The following MSH6 variants were observed in gnomAD, a reference collection of about 807,000 sequenced individuals.
MSH6 encodes the protein DNA mismatch repair protein Msh6.
In MSH6, 85 loss-of-function variants were observed where a neutral mutation model predicts 119.1. The ratio of observed to expected loss-of-function variants is 0.71; its 90% confidence interval spans 0.60 to 0.85. The LOEUF (loss-of-function observed/expected upper bound fraction) is 0.85. Among genes scored for constraint, MSH6 ranks in the 40% least tolerant of loss-of-function variants. The pLI, the probability that MSH6 is intolerant of heterozygous loss-of-function variation, is 0.00. For synonymous variants in MSH6, 830 were observed against 586.9 expected, an observed-to-expected ratio of 1.41 and a Z score of -5.99; for missense variants, 2,163 against 1,655.3, an observed-to-expected ratio of 1.31 and a Z score of -5.32.
In MSH6 at chr2:47,803,554, T is replaced by G. The variant is rs1553331522; in HGVS notation, c.3307T>G (p.Phe1103Val). ...GSRHPCITKT[F>V]FGDDFIPNDI... The stretch of plus-strand genomic sequence containing the variant: ...ACGCCATCCTTGCATTACGAAGACT[T>G]TTTTTGGAGATGATTTTATTCCTAA... The change falls in exon 5 of 10, where the codon TTT becomes GTT. Residue 1103 changes from phenylalanine (F) to valine (V), a missense_variant. Transcript: ENST00000234420. 6.2e-7 allele frequency: 1 copy of G among 1,614,160 alleles called. No individual in the cohort carries two copies. Among genetic ancestry groups the G allele is most frequent in the Non-Finnish European group, 8.5e-7 (1 of 1,180,036 alleles).
Position 47,801,076 on chromosome 2 carries a change from C to A in MSH6, c.3093C>A (p.Asp1031Glu), listed in dbSNP as rs1177250625. Residue 1031 changes from aspartate (D) to glutamate (E), a missense_variant, in exon 4 of 10, where the codon GAC becomes GAA. Physicochemically the swap from Asp to Glu is conservative, Grantham distance 45. Coordinates refer to ENST00000234420, the MANE Select transcript of MSH6 (RefSeq NM_000179.3). ...AACGGAGGGATGTATCATTGAAGGA[C>A]TGCATGCGGCGACTGTTCTATAACT... ...AEERRDVSLK[D>E]CMRRLFYNFD... 1 of 1,609,812 alleles carries A rather than the reference C, an allele frequency of 6.2e-7. No individual in the cohort carries two copies.
chr2:47,802,146 A>G (rs1255323630), intron 4 of MSH6, among the ~76,000 whole-genome samples: 3 of 152,194 alleles, frequency 2.0e-5, no homozygotes, highest in Non-Finnish European at 2.9e-5. Context: ...TACAATTTTA[A>G]AAGAATCATT....
intron 2 of MSH6, among the ~76,000 whole-genome samples, chr2:47,792,609 C>T (rs975201687): frequency 3.3e-5 from 5 of 152,176 alleles, no homozygotes; most frequent in African/African-American, 1.2e-4. Flanking sequence ...CCACTTCGGC[C>T]TCCCAAAGTG....
chr2:47,789,160 G>A (rs1161903868), intron 1 of MSH6, among the ~76,000 whole-genome samples: 1 of 150,938 alleles, frequency 6.6e-6, no homozygotes, highest in Non-Finnish European at 1.5e-5. Flanking sequence ...TCCTGACCTC[G>A]TGATCCACCT....
At chr2:47,783,548 A>T (rs1443689689) in intron 1 of MSH6, 55 bp downstream of exon 1, 40 of 1,223,924 alleles carry the variant, frequency 3.3e-5, no homozygotes, top group Non-Finnish European at 3.8e-5. Context: ...GGCGCTTGGA[A>T]CCCGGCGAGG....
chr2:47,802,610 C>T lies in MSH6; in HGVS notation c.3173-810C>T, dbSNP rs183808334. On this transcript the variant is annotated intron_variant, in intron 4 of 9. Transcript: ENST00000234420. ...GATCTCCGAAAGAGCTGGGATTACA[C>T]GCATGAGCCACTGCGCCCAGCCCTG... Among the ~76,000 whole-genome samples the T allele has an allele frequency of 1.5e-3, 229 of 149,144 alleles. 1 individual carries two copies. The highest frequency in any genetic ancestry group is 5.1e-3 in the African/African-American group (208 of 40,578).
intron 9 of MSH6, 50 bp downstream of exon 9, chr2:47,806,701 A>G (rs1237491802): frequency 4.4e-6 from 7 of 1,587,406 alleles, no homozygotes; most frequent in Non-Finnish European, 5.2e-6. Context: ...TTAAGTTTCA[A>G]AGAAACAGTA....
chr2:47,805,305 G>C (rs759790965), intron 6 of MSH6, among the ~76,000 whole-genome samples: 4 of 151,750 alleles, frequency 2.6e-5, no homozygotes, highest in South Asian at 2.1e-4. Context: ...TCAGCCTCTC[G>C]AGTAGCTGGG....
intron 1 of MSH6, among the ~76,000 whole-genome samples, chr2:47,785,209 T>C (rs1310191021): frequency 6.6e-6 from 1 of 151,840 alleles, no homozygotes; most frequent in African/African-American, 2.4e-5. Flanking sequence ...TCATTCAAGA[T>C]AAGAGCCAGT....
At position 47,801,161 on chromosome 2, in the gene MSH6, A is replaced by G; in HGVS notation, c.3172+6A>G. 6.2e-7 allele frequency: 1 copy of G among 1,608,134 alleles called. No homozygotes were observed. On this transcript the variant is annotated splice_donor_region_variant and intron_variant, in intron 4 of 9. Transcript: ENST00000234420. The stretch of plus-strand genomic sequence containing the variant: ...AGAGTGTATCGCAGTGTTGGGTAAG[A>G]CTTTGAACAAGCTTGTTCTCAGGCT...
At chr2:47,809,908 A>ATTG, downstream of MSH6, 1 of 542,082 alleles carries the variant, frequency 1.8e-6, no homozygotes, top group South Asian at 2.6e-5. Context: ...ACTGCAATTA[A>ATTG]CTTTCGCACC....
At chr2:47,785,331 G>C (rs1326482230) in intron 1 of MSH6, among the ~76,000 whole-genome samples, 1 of 152,114 alleles carries the variant, frequency 6.6e-6, no homozygotes, top group East Asian at 1.9e-4. Context: ...GGGTTCAAGT[G>C]ATTCTCCTGC....
In MSH6 at chr2:47,806,931, T is replaced by TTC; in HGVS notation, c.*71_*72insTC. 1 of 1,152,572 alleles carries TTC rather than the reference T, an allele frequency of 8.7e-7. No individual in the cohort carries two copies. The highest frequency in any genetic ancestry group is 1.3e-6 in the Non-Finnish European group (1 of 775,206). The allele number at this position is 1,152,572 out of a possible 1,614,324, so 71.4% of individuals were successfully genotyped here. A position where few individuals can be genotyped will look rare whatever the true frequency, so the allele number is the denominator to read the frequency against. ...AAATTCAGACAACATTATGATCTAA[T>TTC]AAACTTTATTTTTTAAAAATGACCA... On this transcript the variant is annotated 3_prime_UTR_variant, in exon 10 of 10. Transcript: ENST00000234420.
chr2:47,800,943 C>G lies in MSH6; in HGVS notation c.2960C>G (p.Thr987Ser), dbSNP rs587779928. 9 of 1,573,530 alleles carry G rather than the reference C, an allele frequency of 5.7e-6. No homozygotes were observed. Among genetic ancestry groups the G allele is most frequent in the Non-Finnish European group, 7.7e-6 (9 of 1,161,402 alleles). ...YQLEIPENFTTRNLPEEYELK... is the reference protein window; with the variant it reads ...YQLEIPENFTSRNLPEEYELK... ...CTGGAAATTCCTGAGAATTTCACCA[C>G]TCGCAATTTGCCAGAAGAATACGAG... Residue 987 changes from threonine to serine, a missense_variant, in exon 4 of 10, where the codon ACT becomes AGT. Thr to Ser is a moderately conservative substitution (Grantham distance 58). Coordinates refer to ENST00000234420, the MANE Select transcript of MSH6 (RefSeq NM_000179.3).
At chr2:47,784,149 G>T (rs954524665) in intron 1 of MSH6, 1 of 1,005,116 alleles carries the variant, frequency 9.9e-7, no homozygotes, top group African/African-American at 1.7e-5. Flanking sequence ...GCGAGCGCGG[G>T]GGGGTGTGTC....
intron 6 of MSH6, 31 bp downstream of exon 6, chr2:47,805,058 A>C (rs749220892): frequency 2.4e-5 from 33 of 1,394,348 alleles, no homozygotes; most frequent in Non-Finnish European, 2.9e-5. Flanking sequence ...TTAAGTTCTC[A>C]TTCAGTCATT....
Position 47,806,509 on chromosome 2 carries a change from T to TTA in MSH6, c.3859_3860insTA (p.Tyr1287LeufsTer41). Reference sequence around the variant, plus strand: ...CAGCCAGGAGACTATTACGTTCCTCTATAAATTCATTAAGGGAGCTTGTCC... The same window carrying TTA: ...CAGCCAGGAGACTATTACGTTCCTCTTAATAAATTCATTAAGGGAGCTTGTCC... On this transcript the variant is annotated frameshift_variant, in exon 9 of 10. Coordinates refer to ENST00000234420, the MANE Select transcript of MSH6 (RefSeq NM_000179.3). LOFTEE classifies it high-confidence loss of function. The TTA allele has an allele frequency of 1.2e-6, 2 of 1,614,098 alleles. No individual in the cohort carries two copies. Among genetic ancestry groups the TTA allele is most frequent in the Non-Finnish European group, 1.7e-6 (2 of 1,179,988 alleles).
chr2:47,797,428 C>T (rs546178900), intron 3 of MSH6, among the ~76,000 whole-genome samples: 2 of 152,200 alleles, frequency 1.3e-5, no homozygotes, highest in Non-Finnish European at 1.5e-5. Context: ...TAGCCTAATA[C>T]TGGTTTAACA....
downstream of MSH6, chr2:47,808,124 G>A: frequency 6.2e-7 from 1 of 1,608,634 alleles, no homozygotes; most frequent in Non-Finnish European, 8.5e-7. Context: ...GAATTCAGTT[G>A]TGCTGCAATG....
Sources: allele counts gnomAD v4.1 joint callset (sites outside exome capture counted in the v4.1 genomes callset), GRCh38; gene constraint gnomAD v4.1.1; transcripts MANE v1.5; gene names NCBI Gene and HGNC (gene_info 2026-07-23, HGNC 2026-07-21).